Variants in TFEC observed in about 807,000 individuals in gnomAD.
The protein encoded by TFEC is class E basic helix-loop-helix protein 34.
TFEC carries 31 observed loss-of-function variants against 41.6 expected under a neutral mutation model. The observed-to-expected ratio is 0.74, with a 90% CI of 0.56 to 1.01. The LOEUF is 1.01. Among genes scored for constraint, TFEC ranks in the 50% least tolerant of loss-of-function variants. TFEC has a pLI of 0.00. For synonymous variants in TFEC, 143 were observed against 140.6 expected (o/e 1.02, Z -0.12); for missense variants, 402 against 404.1 (o/e 0.99, Z 0.04).
chr7:115,991,137 A>AGAAG (rs1241659542), intron 1 of TFEC, among the ~76,000 whole-genome samples: 1 of 151,774 alleles, frequency 6.6e-6, no homozygotes, highest in Non-Finnish European at 1.5e-5. Flanking sequence ...ACTAAGCTTC[A>AGAAG]TAAAGGAGAA....
At chr7:115,949,382 A>G (rs375289345) in intron 6 of TFEC, among the ~76,000 whole-genome samples, 2 of 152,010 alleles carry the variant, frequency 1.3e-5, no homozygotes, top group Non-Finnish European at 2.9e-5. Flanking sequence ...AAAAGAGCCT[A>G]CATCGCCAAG....
intron 6 of TFEC, among the ~76,000 whole-genome samples, chr7:115,947,813 A>G (rs1166946955): frequency 4.6e-5 from 7 of 151,984 alleles, no homozygotes; most frequent in Admixed American, 4.6e-4. Context: ...TAGATTCTGG[A>G]TATTAGCCCT....
chr7:116,113,634 A>C (rs1446695947), intron 1 of TFEC, among the ~76,000 whole-genome samples: 1 of 152,070 alleles, frequency 6.6e-6, no homozygotes, highest in Non-Finnish European at 1.5e-5. Flanking sequence ...AATAAAGCAT[A>C]GGTAAATATT....
chr7:115,985,392 T>G lies in TFEC; in HGVS notation c.-72-879A>C, dbSNP rs752078929. On this transcript the variant is annotated intron_variant, in intron 1 of 7. Transcript: ENST00000265440. ...AACGTAGTTTTGCCTGGCAGTAGTC[T>G]TTATATTTACTGTGCTATTCTGTGG... is the stretch of plus-strand genomic sequence containing the variant. Among the ~76,000 whole-genome samples the G allele has an allele frequency of 1.8e-4, 28 of 152,250 alleles. 1 individual carries two copies. The South Asian group carries it at 2.9e-3, about 16-fold the overall frequency.
intron 1 of TFEC, among the ~76,000 whole-genome samples, chr7:116,152,420 T>C (rs1048260336): frequency 1.3e-4 from 20 of 152,080 alleles, no homozygotes; most frequent in African/African-American, 4.6e-4. Flanking sequence ...TTTACCAAAG[T>C]AAAAAGAGCT....
In TFEC at chr7:115,936,063, A is replaced by G. The variant is rs905169289; in HGVS notation, c.*4488T>C. 1.3e-5 allele frequency: 2 copies of G among 151,586 alleles called. No homozygotes were observed. The highest frequency in any genetic ancestry group is 4.8e-5 in the African/African-American group (2 of 41,394). 9.4% of individuals were successfully genotyped at this position (151,586 alleles called of 1,614,324 possible). Reference sequence around the variant, plus strand: ...ATGGACCTCAGAGGGAAAATGTAGCACTGAAAATTTTAAGAAAAGCTATTT... The same window carrying G: ...ATGGACCTCAGAGGGAAAATGTAGCGCTGAAAATTTTAAGAAAAGCTATTT... On this transcript the variant is annotated 3_prime_UTR_variant, in exon 8 of 8. Coordinates refer to ENST00000265440, the MANE Select transcript of TFEC (RefSeq NM_012252.4).
intron 3 of TFEC, among the ~76,000 whole-genome samples, chr7:116,109,253 C>G (rs1325966327): frequency 6.6e-6 from 1 of 152,046 alleles, no homozygotes; most frequent in Non-Finnish European, 1.5e-5. Flanking sequence ...AGCTTCTGCA[C>G]AGCAAAAGAA....
chr7:116,000,236 G>GA (rs1794536523), intron 1 of TFEC, among the ~76,000 whole-genome samples: 2 of 151,944 alleles, frequency 1.3e-5, no homozygotes, highest in South Asian at 2.1e-4. Flanking sequence ...AATTGATATG[G>GA]AAAAAAGCAT....
At chr7:116,004,772 A>G (rs1367983390) in intron 1 of TFEC, among the ~76,000 whole-genome samples, 2 of 152,016 alleles carry the variant, frequency 1.3e-5, no homozygotes, top group African/African-American at 4.8e-5. Flanking sequence ...GAAGAGAAAA[A>G]GCCATCTCCT....
intron 2 of TFEC, among the ~76,000 whole-genome samples, chr7:115,979,674 C>T (rs1006772936): frequency 6.2e-4 from 95 of 152,200 alleles, no homozygotes; most frequent in African/African-American, 2.3e-3. Context: ...CACTTTCATG[C>T]CAAACTCTAC....
intron 1 of TFEC, among the ~76,000 whole-genome samples, chr7:116,123,752 A>C (rs1228960170): frequency 6.6e-6 from 1 of 151,256 alleles, no homozygotes; most frequent in East Asian, 1.9e-4. Flanking sequence ...TTCCCCTACT[A>C]CTCCTATCAT....
intron 1 of TFEC, among the ~76,000 whole-genome samples, chr7:116,001,426 C>T (rs1193911647): frequency 2.0e-5 from 3 of 150,902 alleles, no homozygotes; most frequent in Non-Finnish European, 3.0e-5. Context: ...ACCCTGGAGG[C>T]GGAAGTTGCA....
At chr7:116,094,816 T>C (rs1797413947) in intron 3 of TFEC, among the ~76,000 whole-genome samples, 1 of 152,252 alleles carries the variant, frequency 6.6e-6, no homozygotes, top group Non-Finnish European at 1.5e-5. Flanking sequence ...TATTCAGTGG[T>C]CAATTTATTG....
intron 3 of TFEC, among the ~76,000 whole-genome samples, chr7:116,039,300 TAAG>T (rs556374389): frequency 2.4e-4 from 36 of 151,834 alleles, no homozygotes; most frequent in Non-Finnish European, 3.8e-4. Flanking sequence ...TAAGTACAAA[TAAG>T]AAGAAGAGAA....
intron 1 of TFEC, among the ~76,000 whole-genome samples, chr7:116,138,862 C>T (rs12666956): frequency 0.15 from 22,696 of 152,164 alleles, 1,739 homozygotes; most frequent in East Asian, 0.25. Flanking sequence ...CTTGAGCGGT[C>T]ACCCAACGTG....
rs764918247 is a variant in TFEC, at chr7:115,954,566, A to G, written c.439+20T>C. ...GCATTTCCTTTTGCATTAATTTTAT[A>G]TGGAAAAATATATACTCACTGAGGT... On this transcript the variant is annotated intron_variant, in intron 5 of 7. Coordinates refer to ENST00000265440, the MANE Select transcript of TFEC (RefSeq NM_012252.4). 5 of 1,598,866 alleles carry G rather than the reference A, an allele frequency of 3.1e-6. No homozygotes were observed. In the South Asian group the frequency reaches 5.6e-5, roughly 18 times the overall value.
intron 3 of TFEC, among the ~76,000 whole-genome samples, chr7:116,050,540 C>G (rs1204034596): frequency 3.9e-5 from 6 of 152,140 alleles, no homozygotes; most frequent in Non-Finnish European, 1.5e-5. Context: ...ACAGACACAT[C>G]AAAAAGTGCT....
intron 3 of TFEC, among the ~76,000 whole-genome samples, chr7:116,062,185 C>T (rs542614309): frequency 1.1e-3 from 165 of 144,002 alleles, no homozygotes; most frequent in African/African-American, 4.2e-3. Flanking sequence ...CTCAGCCTCC[C>T]AAGTAGCTGA....
At chr7:115,974,124 T>C in intron 3 of TFEC, 46 bp downstream of exon 3, 1 of 1,443,120 alleles carries the variant, frequency 6.9e-7, no homozygotes. Context: ...TATCAGAGTG[T>C]ATTCATTTCT....
Sources: allele counts gnomAD v4.1 joint callset (sites outside exome capture counted in the v4.1 genomes callset), GRCh38; gene constraint gnomAD v4.1.1; transcripts MANE v1.5; gene names NCBI Gene and HGNC (gene_info 2026-07-23, HGNC 2026-07-21).